GRIK5: variants seen among roughly 807,000 people sequenced by gnomAD.
The protein encoded by GRIK5 is glutamate ionotropic receptor kainate type subunit 5.
GRIK5 carries 43 observed loss-of-function variants against 97.4 expected under a neutral mutation model. The observed-to-expected ratio is 0.44, with a 90% CI of 0.35 to 0.57. The LOEUF is 0.57. GRIK5 is among the 20% of genes least tolerant of loss of function. The pLI is 0.01. For synonymous variants in GRIK5, 580 were observed against 583.5 expected (o/e 0.99, Z 0.09); for missense variants, 1,015 against 1,382.0 (o/e 0.73, Z 4.21).
At position 42,065,772 on chromosome 19, in the gene GRIK5, T is replaced by C. The variant is rs1181373101; in HGVS notation, c.-2A>G. 6.3e-7 allele frequency: 1 copy of C among 1,578,016 alleles called. No homozygotes were observed. Among genetic ancestry groups the C allele is most frequent in the Non-Finnish European group, 8.6e-7 (1 of 1,164,612 alleles). ...CAGCAGCAGCAGCTCAGCCGGCATC[T>C]TCCTCCCCTCCTCATGGGGACGCAG... On this transcript the variant is annotated 5_prime_UTR_variant, in exon 2 of 20. Transcript: ENST00000593562. This position sits in a 1 kb window ranked among gnomAD's most constrained non-coding sequence, Gnocchi z 5.8.
At chr19:42,043,073 A>C (rs533688304) in intron 11 of GRIK5, among the ~76,000 whole-genome samples, 1 of 152,294 alleles carries the variant, frequency 6.6e-6, no homozygotes, top group Admixed American at 6.5e-5. Context: ...GACTGGATAG[A>C]TCTTGTGCCA....
chr19:42,025,142 C>T (rs1021441685), intron 12 of GRIK5, among the ~76,000 whole-genome samples: 1 of 152,116 alleles, frequency 6.6e-6, no homozygotes, highest in East Asian at 1.9e-4. Context: ...ACAATGAAAC[C>T]TCACGCAGTC....
intron 15 of GRIK5, among the ~76,000 whole-genome samples, chr19:42,007,277 C>CA (rs1444531021): frequency 1.3e-5 from 2 of 151,512 alleles, no homozygotes; most frequent in Non-Finnish European, 2.9e-5. Context: ...GTATTTTTAG[C>CA]AGAGACGGGG....
intron 5 of GRIK5, among the ~76,000 whole-genome samples, chr19:42,060,019 C>T (rs1436512188): frequency 1.3e-5 from 2 of 152,026 alleles, no homozygotes; most frequent in Non-Finnish European, 2.9e-5. Flanking sequence ...CCCAAGCCTG[C>T]CCCTGAGTCT....
At chr19:42,025,348 G>C (rs1387990527) in intron 12 of GRIK5, among the ~76,000 whole-genome samples, 1 of 152,058 alleles carries the variant, frequency 6.6e-6, no homozygotes, top group East Asian at 1.9e-4. Context: ...CCCCTCCTAG[G>C]GGCTTTATCT....
chr19:42,068,204 G>A (rs551824208), intron 1 of GRIK5, among the ~76,000 whole-genome samples: 2 of 152,236 alleles, frequency 1.3e-5, no homozygotes, highest in South Asian at 2.1e-4. Context: ...GAGGTGGGGA[G>A]ATGGAGTGAG....
At chr19:42,009,336 G>A (rs1196265428) in intron 15 of GRIK5, among the ~76,000 whole-genome samples, 4 of 151,912 alleles carry the variant, frequency 2.6e-5, no homozygotes, top group Non-Finnish European at 4.4e-5. Flanking sequence ...TCCGCTTCCC[G>A]GGTTCAAGCG....
In GRIK5 at chr19:42,037,645, G is replaced by A. The variant is rs1351860061; in HGVS notation, c.1473+4907C>T. 2.6e-5 allele frequency among the ~76,000 whole-genome samples: 4 copies of A among 152,276 alleles called. No individual in the cohort carries two copies. The East Asian group carries it at 7.7e-4, about 29-fold the overall frequency. ...GTGCACTGCTATAGTGGACTCCATG[G>A]TGGCTACCCAGACTCTGTTTCAGGA... On this transcript the variant is annotated intron_variant, in intron 12 of 19. Transcript: ENST00000593562.
At chr19:42,054,579 T>TC in intron 8 of GRIK5, 107 bp from the exon 9 acceptor site, 1 of 1,278,418 alleles carries the variant, frequency 7.8e-7, no homozygotes, top group East Asian at 2.5e-5. Context: ...AACTTCCCTC[T>TC]CCCCAGGAAT....
In GRIK5 at chr19:42,065,225, G is replaced by A. The variant is rs755980913; in HGVS notation, c.242C>T (p.Thr81Ile). The A allele has an allele frequency of 2.5e-6, 4 of 1,608,980 alleles. No individual in the cohort carries two copies. Among genetic ancestry groups the A allele is most frequent in the Non-Finnish European group, 3.4e-6 (4 of 1,176,914 alleles). Residue 81 changes from threonine (T) to isoleucine (I), a missense_variant and splice_region_variant, in exon 3 of 20, where the codon ACC becomes ATC. By Grantham distance (89) the Thr-to-Ile change is moderately conservative. Around this residue, in one of 5 missense-constraint regions of GRIK5, gnomAD observed 198 missense variants for 218.2 expected, o/e 0.91. Coordinates refer to ENST00000593562, the MANE Select transcript of GRIK5 (RefSeq NM_002088.5). This position sits in a 1 kb window ranked among gnomAD's most constrained non-coding sequence, Gnocchi z 5.8. ...CACGCCCCCATGGCCCCGCTCACTG[G>A]TGTCCGTGGTCTCGTACTGGCTGTC... Reference protein sequence around the residue: ...QRDSQYETTDTMCQILPKGVV... With the variant: ...QRDSQYETTDIMCQILPKGVV...
chr19:42,011,877 G>A (rs966508422), intron 15 of GRIK5, among the ~76,000 whole-genome samples: 2 of 152,092 alleles, frequency 1.3e-5, no homozygotes, highest in Admixed American at 6.5e-5. Context: ...AGGAGGCTGA[G>A]GCAGGAGGAT....
intron 8 of GRIK5, among the ~76,000 whole-genome samples, chr19:42,056,273 C>T (rs777889908): frequency 1.1e-4 from 16 of 152,150 alleles, no homozygotes; most frequent in South Asian, 2.1e-4. Flanking sequence ...TGTGAGCCAC[C>T]GCGCCGGGCC....
chr19:42,046,244 T>C (rs574211715), intron 11 of GRIK5, among the ~76,000 whole-genome samples: 15 of 152,136 alleles, frequency 9.9e-5, no homozygotes, highest in African/African-American at 3.6e-4. Flanking sequence ...CTGAGGAACT[T>C]AGGTTCAGGG....
chr19:42,064,427 C>A (rs1375176898), intron 3 of GRIK5, among the ~76,000 whole-genome samples: 4 of 152,086 alleles, frequency 2.6e-5, no homozygotes, highest in African/African-American at 9.7e-5. Flanking sequence ...CCATACCCCC[C>A]CATTTCTTGG....
chr19:42,047,159 A>G (rs1347626810), intron 11 of GRIK5, among the ~76,000 whole-genome samples: 1 of 151,980 alleles, frequency 6.6e-6, no homozygotes, highest in Non-Finnish European at 1.5e-5. Context: ...AACTGCTGGG[A>G]TTACAGGCAT....
chr19:42,056,279 G>A lies in GRIK5; in HGVS notation c.903+383C>T, dbSNP rs1312938715. 3.1e-4 allele frequency among the ~76,000 whole-genome samples: 47 copies of A among 152,088 alleles called. 2 individuals are homozygous for A. The highest frequency in any genetic ancestry group is 2.8e-3 in the Admixed American group (43 of 15,258). The stretch of plus-strand genomic sequence containing the variant: ...GATTACAGGTGTGAGCCACCGCGCC[G>A]GGCCAAGTTTACCATTTTTTAAACA... On this transcript the variant is annotated intron_variant, in intron 8 of 19. Transcript: ENST00000593562.
chr19:42,049,803 A>C (rs2076089019), intron 11 of GRIK5, among the ~76,000 whole-genome samples: 1 of 152,196 alleles, frequency 6.6e-6, no homozygotes, highest in African/African-American at 2.4e-5. Context: ...AGGTTCTAGA[A>C]CATTCCTTAC....
Position 42,003,189 on chromosome 19 carries a change from T to G in GRIK5, c.2514+143A>C. 1.4e-6 allele frequency: 1 copy of G among 728,660 alleles called. No individual in the cohort carries two copies. Among genetic ancestry groups the G allele is most frequent in the Non-Finnish European group, 2.3e-6 (1 of 436,922 alleles). The allele number at this position is 728,660 out of a possible 1,614,324, so 45.1% of individuals were successfully genotyped here. On this transcript the variant is annotated intron_variant, in intron 19 of 19. Transcript: ENST00000593562. The surrounding 1 kb of genome is among the most constrained non-coding windows in gnomAD (Gnocchi z 4.2). ...GATTCTCTGGCCCCATCAGCTCTCT[T>G]ACTTCCCCACCTCCTGCATTCCTCT... is the stretch of plus-strand genomic sequence containing the variant.
At chr19:42,056,294 T>C (rs1329878122) in intron 8 of GRIK5, among the ~76,000 whole-genome samples, 4 of 152,172 alleles carry the variant, frequency 2.6e-5, no homozygotes, top group African/African-American at 9.7e-5. Flanking sequence ...AAGTTTACCA[T>C]TTTTTAAACA....
Sources: gnomAD v4.1 joint callset for allele counts (sites outside exome capture counted in the v4.1 genomes callset) on GRCh38, gnomAD v4.1.1 for gene constraint, gnomAD v4.1.1 regional missense constraint, Gnocchi (gnomAD v3.1) non-coding constraint, MANE v1.5 for transcripts, NCBI Gene and HGNC (gene_info 2026-07-23, HGNC 2026-07-21) for gene names.